The following ZNF503 variants were observed in gnomAD, a reference collection of about 807,000 sequenced individuals.
The protein encoded by ZNF503 is NocA-like zinc finger 2.
ZNF503 carries 15 observed loss-of-function variants against 34.4 expected under a neutral mutation model. The ratio of observed to expected loss-of-function variants is 0.44; its 90% CI spans 0.29 to 0.67. The LOEUF is 0.67. Among genes scored for constraint, ZNF503 ranks in the 30% least tolerant of loss-of-function variants. The pLI is 0.13. For synonymous variants in ZNF503, 580 were observed against 456.8 expected (o/e 1.27, Z -3.44); for missense variants, 1,007 against 926.8 (o/e 1.09, Z -1.12).
chr10:75,313,627 C>T, the ZNF503 span, among the ~76,000 whole-genome samples: 13 of 152,246 alleles, frequency 8.5e-5, no homozygotes, highest in Admixed American at 8.5e-4. Flanking sequence ...CATGAACCCA[C>T]TTGGGATGCC....
At chr10:75,329,415 T>TTTCCTTCCTTCC in the ZNF503 span, among the ~76,000 whole-genome samples, 1 of 90,462 alleles carries the variant, frequency 1.1e-5, no homozygotes, top group East Asian at 3.1e-4. Flanking sequence ...CCTTCCTTCC[T>TTTCCTTCCTTCC]TTCCTTCCTT....
chr10:75,380,491 A>C, the ZNF503 span, among the ~76,000 whole-genome samples: 2 of 152,158 alleles, frequency 1.3e-5, no homozygotes, highest in Admixed American at 6.5e-5. Flanking sequence ...TGAGGAGGGC[A>C]CATTTTCAGG....
the ZNF503 span, among the ~76,000 whole-genome samples, chr10:75,300,109 C>A: frequency 3.9e-5 from 6 of 152,178 alleles, no homozygotes; most frequent in Non-Finnish European, 8.8e-5. Context: ...AAGACTGGCA[C>A]ACCCAAGGGG....
the ZNF503 span, among the ~76,000 whole-genome samples, chr10:75,315,187 C>T: frequency 1.3e-5 from 2 of 152,128 alleles, no homozygotes; most frequent in Admixed American, 1.3e-4. Context: ...TAGCAAGACC[C>T]TGTCTCTACA....
chr10:75,356,579 G>A, the ZNF503 span, among the ~76,000 whole-genome samples: 4 of 152,212 alleles, frequency 2.6e-5, no homozygotes, highest in Non-Finnish European at 5.9e-5. Context: ...AGCTCTCCAC[G>A]TGAGAGGGTC....
the ZNF503 span, among the ~76,000 whole-genome samples, chr10:75,367,562 C>T: frequency 5.3e-5 from 8 of 152,008 alleles, no homozygotes; most frequent in African/African-American, 1.9e-4. Context: ...TGAGCAACTT[C>T]GTGCTAAAAA....
At position 75,399,534 on chromosome 10, in the gene ZNF503, G is replaced by A. The variant is rs746900509; in HGVS notation, c.1156C>T (p.Pro386Ser). Residue 386 changes from proline to serine, a missense_variant, in exon 2 of 2, where the codon CCG (proline) becomes TCG (serine). Physicochemically the swap from Pro to Ser is moderately conservative, Grantham distance 74. Coordinates refer to ENST00000372524, the MANE Select transcript of ZNF503 (RefSeq NM_032772.6). ...AGCTGCGCCCCCACCAGGCTGCCCG[G>A]CTTGGTGGGGTCAAGTGCCACGCCG... ...PHGVALDPTK[P>S]GSLVGAQLAA... 6.3e-7 allele frequency: 1 copy of A among 1,589,356 alleles called. No homozygotes were observed. The highest frequency in any genetic ancestry group is 2.2e-5 in the East Asian group (1 of 44,590).
At chr10:75,355,006 CT>C in the ZNF503 span, among the ~76,000 whole-genome samples, 12,047 of 149,754 alleles carry the variant, frequency 0.08, 778 homozygotes, top group African/African-American at 0.18. Context: ...GCCCAGCTAA[CT>C]TTTTTTTTTG....
At chr10:75,373,722 A>C in the ZNF503 span, among the ~76,000 whole-genome samples, 12 of 152,198 alleles carry the variant, frequency 7.9e-5, no homozygotes, top group African/African-American at 2.9e-4. Flanking sequence ...TCAAATGCAA[A>C]ACAAGGAGAG....
At chr10:75,288,016 A>T in the ZNF503 span, among the ~76,000 whole-genome samples, 1 of 152,074 alleles carries the variant, frequency 6.6e-6, no homozygotes, top group African/African-American at 2.4e-5. Context: ...AGCGAGGAAA[A>T]CATCACTGCC....
chr10:75,361,395 A>C, the ZNF503 span: 4 of 152,252 alleles, frequency 2.6e-5, no homozygotes, highest in Admixed American at 6.5e-5. Context: ...TTCTAGATCC[A>C]GTCTCAGCCC....
rs548853108 is a variant in ZNF503, at chr10:75,401,150, G to A, written c.270C>T (p.Pro90=). Residue 90 remains proline, a synonymous_variant, in exon 1 of 2, where the codon CCC becomes CCT. Coordinates refer to ENST00000372524, the MANE Select transcript of ZNF503 (RefSeq NM_032772.6). ...LTARTGHILH[P]EYLQPLPSTP... ...TGGAAGGCAGGGGCTGCAGGTACTC[G>A]GGGTGCAAAATGTGGCCAGTTCGTG... The A allele has an allele frequency of 2.2e-5, 36 of 1,612,390 alleles. No homozygotes were observed. In the South Asian group the frequency reaches 3.7e-4, roughly 17 times the overall value.
At chr10:75,370,164 T>C in the ZNF503 span, among the ~76,000 whole-genome samples, 1 of 152,302 alleles carries the variant, frequency 6.6e-6, no homozygotes, top group Admixed American at 6.5e-5. Flanking sequence ...AGTTAATTTC[T>C]GTAACATTTT....
the ZNF503 span, among the ~76,000 whole-genome samples, chr10:75,380,476 C>T: frequency 6.6e-6 from 1 of 152,124 alleles, no homozygotes; most frequent in Non-Finnish European, 1.5e-5. Flanking sequence ...TCTAATGACT[C>T]AGGGTGAGGA....
the ZNF503 span, among the ~76,000 whole-genome samples, chr10:75,290,997 A>G: frequency 1.3e-5 from 2 of 152,122 alleles, no homozygotes; most frequent in African/African-American, 4.8e-5. Flanking sequence ...AGGCCCTTTC[A>G]TTGTCTCTGA....
At chr10:75,323,966 C>A in the ZNF503 span, among the ~76,000 whole-genome samples, 2 of 129,118 alleles carry the variant, frequency 1.5e-5, no homozygotes, top group African/African-American at 3.0e-5. Context: ...CTCTAGCCTG[C>A]GCAAAAAAGA....
chr10:75,356,671 C>T, the ZNF503 span, among the ~76,000 whole-genome samples: 2 of 152,228 alleles, frequency 1.3e-5, no homozygotes, highest in Admixed American at 1.3e-4. Context: ...CTGCTATCCC[C>T]TCATGCCCCT....
At chr10:75,292,362 G>GA in the ZNF503 span, among the ~76,000 whole-genome samples, 1 of 152,192 alleles carries the variant, frequency 6.6e-6, no homozygotes, top group African/African-American at 2.4e-5. Flanking sequence ...AGAATGCATT[G>GA]ACTCACTTGT....
the ZNF503 span, among the ~76,000 whole-genome samples, chr10:75,370,390 A>G: frequency 2.0e-5 from 3 of 152,206 alleles, no homozygotes; most frequent in African/African-American, 7.2e-5. Flanking sequence ...ACACAAATCA[A>G]TGAGTGATCT....
Sources: gnomAD v4.1 joint callset for allele counts (sites outside exome capture counted in the v4.1 genomes callset) on GRCh38, gnomAD v4.1.1 for gene constraint, MANE v1.5 for transcripts, NCBI Gene and HGNC (gene_info 2026-07-23, HGNC 2026-07-21) for gene names.